AFAP1: variants seen among roughly 807,000 people sequenced by gnomAD.
AFAP1 encodes the protein actin filament-associated protein 1.
Under a neutral mutation model 93.9 loss-of-function variants are expected in AFAP1, and 75 were observed. The observed-to-expected ratio is 0.80, with a 90% CI of 0.66 to 0.97. The LOEUF (loss-of-function observed/expected upper bound fraction) is 0.97, where lower values mean the gene tolerates loss of function less well. AFAP1 is among the 50% of genes least tolerant of loss of function. The probability of loss-of-function intolerance (pLI) is 0.00; values close to 1 mark genes in which losing one functional copy is unlikely to be tolerated. For synonymous variants in AFAP1, 517 were observed against 430.7 expected, an observed-to-expected ratio of 1.20 and a Z score of -2.48; for missense variants, 1,201 against 1,050.8, an observed-to-expected ratio of 1.14 and a Z score of -1.98.
chr4:7,870,741 C>T (rs1177084106), intron 2 of AFAP1, among the ~76,000 whole-genome samples: 1 of 152,110 alleles, frequency 6.6e-6, no homozygotes, highest in African/African-American at 2.4e-5. Flanking sequence ...GGCCCCATCG[C>T]CCACCCAGGT....
chr4:7,907,889 A>G (rs1719506709), intron 1 of AFAP1, among the ~76,000 whole-genome samples: 1 of 152,158 alleles, frequency 6.6e-6, no homozygotes, highest in Non-Finnish European at 1.5e-5. Context: ...CAATAGTTTA[A>G]TTAGCACCCA....
At chr4:7,856,917 G>A (rs1347378976) in intron 3 of AFAP1, among the ~76,000 whole-genome samples, 5 of 152,202 alleles carry the variant, frequency 3.3e-5, no homozygotes, top group African/African-American at 1.2e-4. Flanking sequence ...TTCAGGGCAT[G>A]TATTCTATTA....
chr4:7,874,356 CTTTTTTT>C (rs869214535), intron 1 of AFAP1, among the ~76,000 whole-genome samples: 28,198 of 92,216 alleles, frequency 0.31, 3,164 homozygotes, highest in Middle Eastern at 0.4. Flanking sequence ...TTGCCTTTTT[CTTTTTTT>C]TTTTTTTTTT....
At chr4:7,837,973 C>T (rs904866498) in intron 6 of AFAP1, among the ~76,000 whole-genome samples, 3 of 152,102 alleles carry the variant, frequency 2.0e-5, no homozygotes, top group African/African-American at 7.2e-5. Context: ...ACGATCATAC[C>T]GCTACATTCC....
At chr4:7,877,206 A>T (rs2149192054) in intron 1 of AFAP1, among the ~76,000 whole-genome samples, 1 of 152,368 alleles carries the variant, frequency 6.6e-6, no homozygotes, top group Middle Eastern at 3.4e-3. Context: ...GCCTAGCAGT[A>T]CATTCTGCAC....
intron 1 of AFAP1, among the ~76,000 whole-genome samples, chr4:7,878,275 C>A (rs931642567): frequency 1.3e-5 from 2 of 152,244 alleles, no homozygotes; most frequent in Non-Finnish European, 2.9e-5. Context: ...AGGTGTAGGA[C>A]ACCCACGTCT....
At chr4:7,774,556 C>T in intron 15 of AFAP1, 183 bp downstream of exon 15, 1 of 930,194 alleles carries the variant, frequency 1.1e-6, no homozygotes, top group South Asian at 1.9e-5. Flanking sequence ...TTTGACCACA[C>T]AGGCACCTGC....
At position 7,781,445 on chromosome 4, in the gene AFAP1, G is replaced by T. The variant is rs77207711; in HGVS notation, c.1713C>A (p.Tyr571Ter). 4 of 1,552,008 alleles carry T rather than the reference G, an allele frequency of 2.6e-6. No homozygotes were observed. Among genetic ancestry groups the T allele is most frequent in the South Asian group, 2.4e-5 (2 of 84,048 alleles). The change falls in exon 13 of 18, where the codon TAC becomes TAA. Residue 571 changes from tyrosine to a stop codon, truncating the protein, a stop_gained. Coordinates refer to ENST00000420658, the MANE Select transcript of AFAP1 (RefSeq NM_001134647.2). LOFTEE classifies it high-confidence loss of function. ...TAGTGACAGACTGAGCGGAGGCAGG[G>T]TATTTGTAATGGTTAGAGGACAGCT... is the stretch of plus-strand genomic sequence containing the variant. ...ADKLSSNHYK[Y>*]PASAQSVTNT...
chr4:7,804,226 G>A (rs575573417), intron 9 of AFAP1, among the ~76,000 whole-genome samples: 2 of 152,296 alleles, frequency 1.3e-5, no homozygotes, highest in East Asian at 1.9e-4. Flanking sequence ...CAGCCAGGAC[G>A]GGGCCAACTT....
rs948084433 is a variant in AFAP1, at chr4:7,762,718, C to G, written c.*1047G>C. 1.3e-5 allele frequency: 2 copies of G among 152,304 alleles called. No individual in the cohort carries two copies. Among genetic ancestry groups the G allele is most frequent in the African/African-American group, 4.8e-5 (2 of 41,466 alleles). 9.4% of individuals were successfully genotyped at this position (152,304 alleles called of 1,614,324 possible). On this transcript the variant is annotated 3_prime_UTR_variant, in exon 18 of 18. Transcript: ENST00000420658. ...CACATTAGTGGTTTAACTTGACAAG[C>G]TGGAGGAAGGGGAGGGGCAGGAGGC...
At chr4:7,845,909 A>G (rs1242065944) in intron 4 of AFAP1, among the ~76,000 whole-genome samples, 1 of 152,178 alleles carries the variant, frequency 6.6e-6, no homozygotes, top group Non-Finnish European at 1.5e-5. Flanking sequence ...TTTACAATCT[A>G]GGGCAAAATG....
chr4:7,897,298 G>A (rs1445162101), intron 1 of AFAP1, among the ~76,000 whole-genome samples: 4 of 152,172 alleles, frequency 2.6e-5, no homozygotes, highest in African/African-American at 9.7e-5. Flanking sequence ...AGGACCTGCT[G>A]TTTACGAACA....
chr4:7,804,946 C>A (rs1719371324), intron 9 of AFAP1, among the ~76,000 whole-genome samples: 1 of 152,170 alleles, frequency 6.6e-6, no homozygotes, highest in Admixed American at 6.5e-5. Context: ...AAGCCAAACG[C>A]CTCCTTCCCA....
At chr4:7,813,351 A>C (rs991094913) in intron 8 of AFAP1, among the ~76,000 whole-genome samples, 1 of 152,244 alleles carries the variant, frequency 6.6e-6, no homozygotes, top group Non-Finnish European at 1.5e-5. Context: ...CATGCAAAGC[A>C]CCATGCCAGA....
At chr4:7,765,348 A>T (rs1049020331) in intron 17 of AFAP1, among the ~76,000 whole-genome samples, 7 of 152,132 alleles carry the variant, frequency 4.6e-5, no homozygotes, top group African/African-American at 1.7e-4. Flanking sequence ...GGCTTCAGTG[A>T]TTCCCCACCA....
chr4:7,836,151 C>G (rs1407296776), intron 6 of AFAP1, among the ~76,000 whole-genome samples: 1 of 152,156 alleles, frequency 6.6e-6, no homozygotes, highest in African/African-American at 2.4e-5. Context: ...ACACTGTAAA[C>G]TTCTCAGAAT....
At chr4:7,809,068 T>G (rs1719783198) in intron 9 of AFAP1, among the ~76,000 whole-genome samples, 1 of 152,082 alleles carries the variant, frequency 6.6e-6, no homozygotes, top group Non-Finnish European at 1.5e-5. Flanking sequence ...TTTTTGTTTT[T>G]TTTTTTTATA....
chr4:7,819,381 A>C (rs1720768693), intron 6 of AFAP1, among the ~76,000 whole-genome samples: 1 of 152,222 alleles, frequency 6.6e-6, no homozygotes, highest in South Asian at 2.1e-4. Flanking sequence ...TGGTACTAAC[A>C]TAGGGCATGG....
At chr4:7,806,825 G>A (rs1245716993) in intron 9 of AFAP1, among the ~76,000 whole-genome samples, 5 of 152,218 alleles carry the variant, frequency 3.3e-5, no homozygotes, top group African/African-American at 4.8e-5. Context: ...CTAATTAGAT[G>A]CTGTGGATTC....
Sources: allele counts gnomAD v4.1 joint callset (sites outside exome capture counted in the v4.1 genomes callset), GRCh38; gene constraint gnomAD v4.1.1; transcripts MANE v1.5; gene names NCBI Gene and HGNC (gene_info 2026-07-23, HGNC 2026-07-21).